BSN: variants seen among roughly 807,000 people sequenced by gnomAD.
The protein encoded by BSN is protein bassoon.
BSN carries 57 observed loss-of-function variants against 264.8 expected under a neutral mutation model. That is an observed-to-expected ratio of 0.22 (90% confidence interval 0.17 to 0.27). The LOEUF (loss-of-function observed/expected upper bound fraction) is 0.27. Among genes scored for constraint, BSN ranks in the 10% least tolerant of loss-of-function variants. The pLI, the probability that BSN is intolerant of heterozygous loss-of-function variation, is 1.00. For synonymous variants in BSN, 2,059 were observed against 2,137.3 expected, an observed-to-expected ratio of 0.96 and a Z score of 1.01; for missense variants, 4,615 against 5,232.5, an observed-to-expected ratio of 0.88 and a Z score of 3.64.
Position 49,663,036 on chromosome 3 carries a change from G to A in BSN, c.10878G>A (p.Glu3626=), listed in dbSNP as rs1253690185. ...ATGACTACGATGAACCCCCTGAGGA[G>A]GGCCTGTGGCCTCATGATGAGGGTG... The part of the protein sequence containing the change: ...SYHDYDEPPE[E]GLWPHDEGGP... Residue 3626 remains glutamate, a synonymous_variant, in exon 7 of 12, where the codon GAG becomes GAA. Coordinates refer to ENST00000296452, the MANE Select transcript of BSN (RefSeq NM_003458.4). 1.2e-6 allele frequency: 2 copies of A among 1,613,786 alleles called. No homozygotes were observed. Among genetic ancestry groups the A allele is most frequent in the South Asian group, 1.1e-5 (1 of 91,090 alleles).
At chr3:49,570,937 G>T (rs1246183400) in intron 1 of BSN, among the ~76,000 whole-genome samples, 2 of 152,172 alleles carry the variant, frequency 1.3e-5, no homozygotes, top group African/African-American at 4.8e-5. Flanking sequence ...GGGCTCCCAG[G>T]CCTGTGAAAT....
At chr3:49,574,620 G>C (rs2051826928) in intron 1 of BSN, among the ~76,000 whole-genome samples, 1 of 144,796 alleles carries the variant, frequency 6.9e-6, no homozygotes, top group Non-Finnish European at 1.5e-5. Context: ...TTTTAGTAGA[G>C]GTGGGGTTTC....
At position 49,668,711 on chromosome 3, in the gene BSN, C is replaced by G. The variant is rs2052730373; in HGVS notation, c.*1226C>G. 1 of 152,686 alleles carries G rather than the reference C, an allele frequency of 6.5e-6. No individual in the cohort carries two copies. Among genetic ancestry groups the G allele is most frequent in the Non-Finnish European group, 1.5e-5 (1 of 68,076 alleles). 9.5% of individuals were successfully genotyped at this position (152,686 alleles called of 1,614,324 possible). ...ACTTCTGCCAGCCAAGGGAAAGGCC[C>G]AGAGCCCTGTGCGGGGGAATGTGGC... On this transcript the variant is annotated 3_prime_UTR_variant, in exon 12 of 12. Transcript: ENST00000296452.
At position 49,642,139 on chromosome 3, in the gene BSN, G is replaced by T; in HGVS notation, c.634-129G>T. 2.9e-6 allele frequency: 2 copies of T among 700,818 alleles called. No individual in the cohort carries two copies. Among genetic ancestry groups the T allele is most frequent in the Non-Finnish European group, 4.3e-6 (2 of 467,698 alleles). The allele number at this position is 700,818 out of a possible 1,614,324, so 43.4% of individuals were successfully genotyped here. ...CCCTGCCACCTGGCAGCCCAGAAAT[G>T]CCTGAGCAGGGCTTGGTGCTCCTGC... On this transcript the variant is annotated intron_variant, in intron 2 of 11. Coordinates refer to ENST00000296452, the MANE Select transcript of BSN (RefSeq NM_003458.4). This position sits in a 1 kb window ranked among gnomAD's most constrained non-coding sequence, Gnocchi z 7.0.
Position 49,656,637 on chromosome 3 carries a change from C to G in BSN, c.7081C>G (p.Gln2361Glu). The part of the protein sequence containing the change: ...RPGFEKEEAS[Q>E]EERQRKQQEQ... ...AGGGTTCGAGAAAGAGGAAGCATCACAGGAGGAGAGGCAGCGGAAGCAACA... is the reference window on the plus strand; with the variant it reads ...AGGGTTCGAGAAAGAGGAAGCATCAGAGGAGGAGAGGCAGCGGAAGCAACA... The change falls in exon 5 of 12, where the codon CAG (glutamine) becomes GAG (glutamate). Residue 2361 changes from glutamine (Q) to glutamate (E), a missense_variant. By Grantham distance (29) the Gln-to-Glu change is conservative. This residue lies in a region of BSN where 3,415 missense variants were observed against 3,866.4 expected (regional missense o/e 0.88). Transcript: ENST00000296452. The G allele has an allele frequency of 3.1e-6, 5 of 1,609,676 alleles. No homozygotes were observed. Among genetic ancestry groups the G allele is most frequent in the Non-Finnish European group, 3.4e-6 (4 of 1,178,116 alleles).
At chr3:49,572,975 C>T (rs774499811) in intron 1 of BSN, among the ~76,000 whole-genome samples, 10 of 152,150 alleles carry the variant, frequency 6.6e-5, no homozygotes, top group African/African-American at 2.4e-4. Flanking sequence ...GGCCAAGTCT[C>T]AGAGTACCTG....
intron 1 of BSN, among the ~76,000 whole-genome samples, chr3:49,555,276 G>C (rs1221399200): frequency 6.6e-6 from 1 of 152,200 alleles, no homozygotes; most frequent in African/African-American, 2.4e-5. Context: ...TCACTGCGAG[G>C]AACAGAGAGA....
chr3:49,663,623 A>G lies in BSN; in HGVS notation c.11465A>G (p.Gln3822Arg). 1 of 1,609,506 alleles carries G rather than the reference A, an allele frequency of 6.2e-7. No individual in the cohort carries two copies. Among genetic ancestry groups the G allele is most frequent in the East Asian group, 2.2e-5 (1 of 44,802 alleles). Residue 3822 changes from glutamine (Q) to arginine (R), a missense_variant, in exon 7 of 12, where the codon CAG becomes CGG. This residue lies in a region of BSN where 3,415 missense variants were observed against 3,866.4 expected (regional missense o/e 0.88). Transcript: ENST00000296452. The stretch of plus-strand genomic sequence containing the variant: ...GCCAGCCAGCCTGCAGGGAAGCCTC[A>G]GCCAGGCCCCAGCACAGCCACAGGT... ...PAASQPAGKP[Q>R]PGPSTATGPQ... is the part of the protein sequence containing the mutation.
Position 49,650,887 on chromosome 3 carries a change from C to T in BSN, c.1794C>T (p.Pro598=), listed in dbSNP as rs757998788. ...CCAAGCCCCTCAGGGCTTCTGAACCCAGCAAGACCCCAAGCAGTGTCCAGG... is the reference window on the plus strand; with the variant it reads ...CCAAGCCCCTCAGGGCTTCTGAACCTAGCAAGACCCCAAGCAGTGTCCAGG... The part of the protein sequence containing the change: ...PQAKPLRASE[P]SKTPSSVQEK... Residue 598 remains proline (P), a synonymous_variant, in exon 4 of 12, where the codon CCC becomes CCT. Coordinates refer to ENST00000296452, the MANE Select transcript of BSN (RefSeq NM_003458.4). 21 of 1,614,224 alleles carry T rather than the reference C, an allele frequency of 1.3e-5. No homozygotes were observed. The highest frequency in any genetic ancestry group is 1.8e-5 in the Non-Finnish European group (21 of 1,180,046).
At chr3:49,658,255 C>T (rs991855352) in intron 5 of BSN, 59 bp downstream of exon 5, 17 of 1,474,688 alleles carry the variant, frequency 1.2e-5, no homozygotes, top group Non-Finnish European at 1.5e-5. Flanking sequence ...CCCGAGGGGC[C>T]CCCACAGGGA....
Position 49,663,178 on chromosome 3 carries a change from C to T in BSN, c.11020C>T (p.Leu3674=), listed in dbSNP as rs1160144674. Residue 3674 remains leucine (L), a synonymous_variant, in exon 7 of 12, where the codon CTG becomes TTG. Transcript: ENST00000296452. The stretch of plus-strand genomic sequence containing the variant: ...TGCTGCCAAACCACACGCTCGGGAC[C>T]TGGGTCGCCATGAGGCCCGGCCCCA... ...RRAAKPHARD[L]GRHEARPHSQ... The T allele has an allele frequency of 6.2e-7, 1 of 1,613,670 alleles. No homozygotes were observed. Among genetic ancestry groups the T allele is most frequent in the Admixed American group, 1.7e-5 (1 of 60,018 alleles).
Position 49,656,475 on chromosome 3 carries a change from C to T in BSN, c.6919C>T (p.Arg2307Trp), listed in dbSNP as rs768774052. The T allele has an allele frequency of 1.4e-5, 23 of 1,596,224 alleles. No homozygotes were observed. The highest frequency in any genetic ancestry group is 8.1e-5 in the African/African-American group (6 of 74,424). ...SRPEMPVGAA[R>W]EEPLPTTTPA... ...GCCAGAGATGCCAGTAGGGGCTGCA[C>T]GGGAAGAGCCTCTTCCCACAACCAC... Residue 2307 changes from arginine (R) to tryptophan (W), a missense_variant, in exon 5 of 12, where the codon CGG becomes TGG. By Grantham distance (101) the Arg-to-Trp change is moderately radical. Around this residue, in one of 3 missense-constraint regions of BSN, gnomAD observed 3,415 missense variants for 3,866.4 expected, o/e 0.88. Transcript: ENST00000296452.
intron 1 of BSN, among the ~76,000 whole-genome samples, chr3:49,556,017 T>C (rs2051667463): frequency 6.6e-6 from 1 of 152,244 alleles, no homozygotes; most frequent in Admixed American, 6.5e-5. Flanking sequence ...CCTGTGAGCA[T>C]CCTTTTTAGA....
intron 1 of BSN, among the ~76,000 whole-genome samples, chr3:49,566,824 C>A (rs529455347): frequency 2.1e-5 from 3 of 143,790 alleles, no homozygotes; most frequent in Admixed American, 7.0e-5. Context: ...TTAGGGGATT[C>A]AGGTAGTATC....
chr3:49,569,508 C>T (rs967132570), intron 1 of BSN, among the ~76,000 whole-genome samples: 1 of 152,112 alleles, frequency 6.6e-6, no homozygotes, highest in Admixed American at 6.5e-5. Flanking sequence ...AGATTATGCC[C>T]TTATTTATTA....
intron 3 of BSN, among the ~76,000 whole-genome samples, chr3:49,648,317 A>C (rs1465219503): frequency 1.3e-5 from 2 of 152,274 alleles, no homozygotes; most frequent in African/African-American, 4.8e-5. Flanking sequence ...TGAGAGGCCT[A>C]ACATGGGATG....
chr3:49,639,131 A>AT (rs2052441282), intron 2 of BSN, among the ~76,000 whole-genome samples: 1 of 152,032 alleles, frequency 6.6e-6, no homozygotes, highest in African/African-American at 2.4e-5. Context: ...CAGGGACTGA[A>AT]ATTGTTTTCT....
intron 2 of BSN, among the ~76,000 whole-genome samples, chr3:49,628,106 G>T (rs1242417390): frequency 3.9e-5 from 6 of 152,238 alleles, no homozygotes; most frequent in African/African-American, 1.4e-4. Context: ...GTGACATGGA[G>T]GCTTTCAGGG....
rs114701545 is a variant in BSN at position 49,626,456 on chromosome 3, T to C, written c.633+1073T>C. On this transcript the variant is annotated intron_variant, in intron 2 of 11. Transcript: ENST00000296452. ...TTTGTGAGAGGTAAGTGTGAGATTC[T>C]GAGGAAGGAGCTGTCGGTGTGGGGA... 4.4e-3 allele frequency among the ~76,000 whole-genome samples: 670 copies of C among 152,224 alleles called. 4 individuals are homozygous for C. The highest frequency in any genetic ancestry group is 0.015 in the African/African-American group (626 of 41,530).
Sources: allele counts gnomAD v4.1 joint callset (sites outside exome capture counted in the v4.1 genomes callset), GRCh38; gene constraint gnomAD v4.1.1; regional missense constraint gnomAD v4.1.1; non-coding constraint Gnocchi (gnomAD v3.1); transcripts MANE v1.5; gene names NCBI Gene and HGNC (gene_info 2026-07-23, HGNC 2026-07-21).